The following FOXP1 variants were observed in gnomAD, a reference collection of about 807,000 sequenced individuals.
FOXP1 encodes the protein forkhead box protein P1.
In FOXP1, 15 loss-of-function variants were observed where a neutral mutation model predicts 98.2. The ratio of observed to expected loss-of-function variants is 0.15; its 90% CI spans 0.10 to 0.24. FOXP1 has a LOEUF of 0.24. FOXP1 is among the 10% of genes least tolerant of loss of function. The pLI is 1.00. For missense variants in FOXP1, 633 were observed against 848.5 expected (o/e 0.75, Z 3.15); for synonymous variants, 371 against 314.5 (o/e 1.18, Z -1.90).
intron 2 of FOXP1, among the ~76,000 whole-genome samples, chr3:71,540,429 G>C (rs2044705821): frequency 6.6e-6 from 1 of 152,196 alleles, no homozygotes; most frequent in Admixed American, 6.5e-5. Context: ...CAATCTACAG[G>C]AGAAAAATGT....
chr3:71,279,172 C>CAAAAAAAAAAAAAAAAA (rs11308828), intron 5 of FOXP1, among the ~76,000 whole-genome samples: 1 of 69,790 alleles, frequency 1.4e-5, no homozygotes, highest in African/African-American at 5.6e-5. Context: ...AACTCCATCT[C>CAAAAAAAAAAAAAAAAA]AAAAAAAAAA....
chr3:71,011,737 T>C (rs1174428321), intron 12 of FOXP1, among the ~76,000 whole-genome samples: 2 of 152,208 alleles, frequency 1.3e-5, no homozygotes, highest in African/African-American at 2.4e-5. Flanking sequence ...TGCAGGTTGA[T>C]AGTGGGCATT....
chr3:71,432,446 C>A (rs958527467), intron 3 of FOXP1, among the ~76,000 whole-genome samples: 2 of 152,164 alleles, frequency 1.3e-5, no homozygotes, highest in South Asian at 2.1e-4. Context: ...GCACCCCTCC[C>A]GGGCCCTGGC....
chr3:71,325,365 T>C (rs2075631083), intron 4 of FOXP1, among the ~76,000 whole-genome samples: 2 of 152,334 alleles, frequency 1.3e-5, no homozygotes, highest in African/African-American at 4.8e-5. Context: ...TCCCTTGATA[T>C]TTAAATGCTG....
At chr3:71,321,563 C>T (rs967995536) in intron 4 of FOXP1, among the ~76,000 whole-genome samples, 2 of 152,068 alleles carry the variant, frequency 1.3e-5, no homozygotes, top group African/African-American at 4.8e-5. Flanking sequence ...AAAGAAATTT[C>T]GTGCTCACAA....
At chr3:71,185,095 A>C (rs968610211) in intron 6 of FOXP1, among the ~76,000 whole-genome samples, 3 of 152,130 alleles carry the variant, frequency 2.0e-5, no homozygotes, top group Admixed American at 1.3e-4. Flanking sequence ...CAGGAGGCTG[A>C]GGCACAAGAA....
intron 7 of FOXP1, among the ~76,000 whole-genome samples, chr3:71,093,664 A>G (rs578186793): frequency 6.6e-6 from 1 of 151,780 alleles, no homozygotes; most frequent in South Asian, 2.1e-4. Flanking sequence ...ACAGGCACAT[A>G]ATAAATGTTA....
intron 6 of FOXP1, among the ~76,000 whole-genome samples, chr3:71,131,951 G>C (rs532786062): frequency 4.6e-5 from 7 of 152,162 alleles, no homozygotes; most frequent in African/African-American, 1.7e-4. Context: ...GTGCTTCCAC[G>C]CCTGCCTTCT....
rs904132035 is a variant in FOXP1 at position 71,220,757 on chromosome 3, T to G, written c.-11-22365A>C. Among the ~76,000 whole-genome samples the G allele has an allele frequency of 3.6e-5, 5 of 139,728 alleles. No individual in the cohort carries two copies. The East Asian group carries it at 1.6e-3, about 45-fold the overall frequency. The allele number at this position is 139,728 out of a possible 152,430, so 91.7% of individuals were successfully genotyped here. On this transcript the variant is annotated intron_variant, in intron 5 of 20. Coordinates refer to ENST00000649528, the MANE Select transcript of FOXP1 (RefSeq NM_001349338.3). Reference sequence around the variant, plus strand: ...GACTGAGTGAGACCCTGTCTCAAAATAAAATAAAATAAAATAAAATAAAAT... The same window carrying G: ...GACTGAGTGAGACCCTGTCTCAAAAGAAAATAAAATAAAATAAAATAAAAT...
At chr3:71,464,187 G>C (rs2088454790) in intron 3 of FOXP1, among the ~76,000 whole-genome samples, 1 of 152,076 alleles carries the variant, frequency 6.6e-6, no homozygotes, top group Admixed American at 6.5e-5. Flanking sequence ...GAAGTGGGCG[G>C]ATCAACTGAG....
chr3:71,399,437 T>C (rs1318092112), intron 3 of FOXP1, among the ~76,000 whole-genome samples: 1 of 151,462 alleles, frequency 6.6e-6, no homozygotes, highest in Admixed American at 6.6e-5. Flanking sequence ...CCATACATTT[T>C]AGAAACAAGA....
chr3:71,493,026 T>C (rs968975186), intron 3 of FOXP1, among the ~76,000 whole-genome samples: 1 of 152,112 alleles, frequency 6.6e-6, no homozygotes, highest in Non-Finnish European at 1.5e-5. Flanking sequence ...GATAGGACTC[T>C]CTCAAGGAAC....
intron 6 of FOXP1, among the ~76,000 whole-genome samples, chr3:71,175,154 C>T (rs549510017): frequency 6.6e-6 from 1 of 152,298 alleles, no homozygotes; most frequent in South Asian, 2.1e-4. Flanking sequence ...CCTCGTGATC[C>T]ATCCGCCTTG....
chr3:71,569,042 C>A (rs1167138910), intron 2 of FOXP1, among the ~76,000 whole-genome samples: 1 of 152,156 alleles, frequency 6.6e-6, no homozygotes, highest in Non-Finnish European at 1.5e-5. Context: ...CTCTATGAGA[C>A]CTGGTTGTCC....
At chr3:71,251,085 G>GA (rs1457155048) in intron 5 of FOXP1, among the ~76,000 whole-genome samples, 1 of 152,110 alleles carries the variant, frequency 6.6e-6, no homozygotes, top group African/African-American at 2.4e-5. Context: ...TGAGTAACTT[G>GA]AAAGCTTTAT....
rs968782984 is a variant in FOXP1, at chr3:71,168,687, A to G, written c.180+29515T>C. ...TCATACCTCCACTCTTGGTAGAGCC[A>G]TTTCTTCAGACAAACAGCACTTACT... On this transcript the variant is annotated intron_variant, in intron 6 of 20. Coordinates refer to ENST00000649528, the MANE Select transcript of FOXP1 (RefSeq NM_001349338.3). Among the ~76,000 whole-genome samples, 3 of 152,366 alleles carry G rather than the reference A, an allele frequency of 2.0e-5. No homozygotes were observed. In the South Asian group the frequency reaches 6.2e-4, roughly 32 times the overall value.
chr3:71,024,803 T>C (rs1379452445), intron 11 of FOXP1, among the ~76,000 whole-genome samples: 1 of 152,270 alleles, frequency 6.6e-6, no homozygotes, highest in Non-Finnish European at 1.5e-5. Flanking sequence ...ATGTGAGGAC[T>C]ACCTTAACTA....
At chr3:71,583,348 G>A (rs959219261) in intron 1 of FOXP1, among the ~76,000 whole-genome samples, 3 of 151,932 alleles carry the variant, frequency 2.0e-5, no homozygotes, top group African/African-American at 7.2e-5. Flanking sequence ...CCCAGAGCTG[G>A]GCCTCGACCC....
intron 3 of FOXP1, among the ~76,000 whole-genome samples, chr3:71,370,635 G>T (rs556234440): frequency 6.6e-6 from 1 of 152,186 alleles, no homozygotes; most frequent in South Asian, 2.1e-4. Context: ...CTTCCCATGA[G>T]ACTAGTGCAT....
Sources: allele counts gnomAD v4.1 joint callset (sites outside exome capture counted in the v4.1 genomes callset), GRCh38; gene constraint gnomAD v4.1.1; transcripts MANE v1.5; gene names NCBI Gene and HGNC (gene_info 2026-07-23, HGNC 2026-07-21).